Variants in CTNND2 observed in about 807,000 individuals in gnomAD.
The protein encoded by CTNND2 is catenin delta-2.
A neutral mutation model predicts 144.4 loss-of-function variants in CTNND2; 22 were observed. The ratio of observed to expected loss-of-function variants is 0.15; its 90% CI spans 0.11 to 0.22. The LOEUF is 0.22. CTNND2 is among the 10% of genes least tolerant of loss of function. CTNND2 has a pLI of 1.00. For missense variants in CTNND2, 1,353 were observed against 1,618.8 expected, an observed-to-expected ratio of 0.84 and a Z score of 2.82; for synonymous variants, 751 against 695.6, an observed-to-expected ratio of 1.08 and a Z score of -1.25.
At chr5:11,484,332 C>T (rs1400040556) in intron 3 of CTNND2, among the ~76,000 whole-genome samples, 6 of 152,206 alleles carry the variant, frequency 3.9e-5, no homozygotes, top group Non-Finnish European at 5.9e-5. Flanking sequence ...TGCCCTCTGG[C>T]TTCCACAGCA....
chr5:11,714,833 C>G (rs1048204969), intron 2 of CTNND2, among the ~76,000 whole-genome samples: 1 of 150,958 alleles, frequency 6.6e-6, no homozygotes, highest in Non-Finnish European at 1.5e-5. Flanking sequence ...GGCATGAACC[C>G]GGGAGGCGAA....
chr5:11,293,005 A>G (rs2859477), intron 9 of CTNND2, among the ~76,000 whole-genome samples: 17,489 of 152,236 alleles, frequency 0.11, 1,120 homozygotes, highest in Admixed American at 0.18. Flanking sequence ...CCAATGTGCT[A>G]AAATCCTTCG....
At chr5:11,020,699 A>G (rs1049436402) in intron 17 of CTNND2, among the ~76,000 whole-genome samples, 1 of 152,178 alleles carries the variant, frequency 6.6e-6, no homozygotes, top group Non-Finnish European at 1.5e-5. Context: ...ATGTAGTTAT[A>G]AAAACCTTGT....
intron 9 of CTNND2, among the ~76,000 whole-genome samples, chr5:11,305,744 TTTAATAA>T (rs1217570573): frequency 6.6e-6 from 1 of 152,148 alleles, no homozygotes; most frequent in Non-Finnish European, 1.5e-5. Context: ...CAGGAAGGCT[TTTAATAA>T]ATAACCTGAC....
chr5:11,274,777 T>G (rs932928586), intron 9 of CTNND2, among the ~76,000 whole-genome samples: 1 of 152,102 alleles, frequency 6.6e-6, no homozygotes, highest in African/African-American at 2.4e-5. Context: ...TAAGCAAAGG[T>G]TTATTGTTGT....
intron 3 of CTNND2, among the ~76,000 whole-genome samples, chr5:11,430,422 TAAA>T (rs5865939): frequency 3.1e-5 from 4 of 127,048 alleles, no homozygotes; most frequent in Admixed American, 7.9e-5. Flanking sequence ...ATGACTTGAT[TAAA>T]AAAAAAAAAA....
At chr5:10,975,361 C>T (rs190996768) in intron 21 of CTNND2, among the ~76,000 whole-genome samples, 1 of 152,222 alleles carries the variant, frequency 6.6e-6, no homozygotes, top group Admixed American at 6.5e-5. Context: ...TTAGCAAATT[C>T]TTTAATACTC....
intron 16 of CTNND2, among the ~76,000 whole-genome samples, chr5:11,042,304 G>A (rs1233690797): frequency 2.0e-5 from 3 of 152,192 alleles, no homozygotes; most frequent in Non-Finnish European, 4.4e-5. Flanking sequence ...GAAGACGTAT[G>A]TTAGTCTGTT....
At chr5:11,071,063 G>C (rs769468474) in intron 16 of CTNND2, among the ~76,000 whole-genome samples, 1 of 151,892 alleles carries the variant, frequency 6.6e-6, no homozygotes, top group East Asian at 1.9e-4. Flanking sequence ...AGGCCAAAGA[G>C]GGGAGAAAAA....
chr5:11,447,970 T>G (rs1455052702), intron 3 of CTNND2, among the ~76,000 whole-genome samples: 1 of 152,184 alleles, frequency 6.6e-6, no homozygotes, highest in African/African-American at 2.4e-5. Flanking sequence ...TCAATTTTCC[T>G]GAGAATGAAG....
chr5:11,027,827 C>T (rs1242183142), intron 16 of CTNND2, among the ~76,000 whole-genome samples: 1 of 152,216 alleles, frequency 6.6e-6, no homozygotes, highest in African/African-American at 2.4e-5. Flanking sequence ...AAGAAAGGCA[C>T]TCCTTGCAGA....
chr5:11,153,570 T>C lies in CTNND2; in HGVS notation c.2159+6006A>G, dbSNP rs180980137. ...GAAGGGGCGTTTCTCAAGGTCACTC[T>C]AGAATTAGAGGCACCGTGGGACCAA... On this transcript the variant is annotated intron_variant, in intron 12 of 21. Coordinates refer to ENST00000304623, the MANE Select transcript of CTNND2 (RefSeq NM_001332.4). Among the ~76,000 whole-genome samples the C allele has an allele frequency of 2.6e-5, 4 of 152,312 alleles. No individual in the cohort carries two copies. The East Asian group carries it at 5.8e-4, about 22-fold the overall frequency.
chr5:11,529,000 A>C (rs1773509251), intron 3 of CTNND2, among the ~76,000 whole-genome samples: 2 of 152,194 alleles, frequency 1.3e-5, no homozygotes, highest in Admixed American at 1.3e-4. Context: ...GGAGTGATGA[A>C]AATATGTGGG....
chr5:11,556,063 G>A (rs910756955), intron 3 of CTNND2, among the ~76,000 whole-genome samples: 1 of 152,020 alleles, frequency 6.6e-6, no homozygotes, highest in East Asian at 1.9e-4. Context: ...TAATAATTTA[G>A]CCTCATGAGA....
At chr5:11,035,802 G>C (rs1031563877) in intron 16 of CTNND2, among the ~76,000 whole-genome samples, 1 of 150,982 alleles carries the variant, frequency 6.6e-6, no homozygotes, top group South Asian at 2.1e-4. Context: ...GAAAGGTTGA[G>C]AAGAAGTGAA....
intron 1 of CTNND2, among the ~76,000 whole-genome samples, chr5:11,879,678 T>C (rs944182438): frequency 6.6e-6 from 1 of 151,922 alleles, no homozygotes; most frequent in African/African-American, 2.4e-5. Flanking sequence ...GAAACAAGAC[T>C]TTTTTACTAA....
chr5:11,111,256 A>G (rs146271342), intron 13 of CTNND2, among the ~76,000 whole-genome samples: 3 of 152,150 alleles, frequency 2.0e-5, no homozygotes, highest in Non-Finnish European at 2.9e-5. Flanking sequence ...CAAATAAATG[A>G]CTTATCAGCA....
intron 9 of CTNND2, among the ~76,000 whole-genome samples, chr5:11,238,047 G>T (rs1412732531): frequency 6.6e-6 from 1 of 152,128 alleles, no homozygotes; most frequent in Non-Finnish European, 1.5e-5. Context: ...GAAGCTGGTT[G>T]TCATCTTAAG....
Position 11,462,058 on chromosome 5 carries a change from T to A in CTNND2, c.288-49989A>T, listed in dbSNP as rs1307589460. Among the ~76,000 whole-genome samples, 4 of 151,914 alleles carry A rather than the reference T, an allele frequency of 2.6e-5. No homozygotes were observed. The South Asian group carries it at 6.2e-4, about 24-fold the overall frequency. ...ACCCCAGGTGGTGACCAGATCACAG[T>A]GGTTTCAGGGCCTCCACAGAGGGTT... On this transcript the variant is annotated intron_variant, in intron 3 of 21. Coordinates refer to ENST00000304623, the MANE Select transcript of CTNND2 (RefSeq NM_001332.4).
Sources: allele counts gnomAD v4.1 joint callset (sites outside exome capture counted in the v4.1 genomes callset), GRCh38; gene constraint gnomAD v4.1.1; transcripts MANE v1.5; gene names NCBI Gene and HGNC (gene_info 2026-07-23, HGNC 2026-07-21).